The following PHF6 variants were observed in gnomAD, a reference collection of about 807,000 sequenced individuals.
The protein encoded by PHF6 is PHD finger protein 6.
In PHF6, 7 loss-of-function variants were observed where a neutral mutation model predicts 34.0. That is an observed-to-expected ratio of 0.21 (90% CI 0.12 to 0.39). The LOEUF (loss-of-function observed/expected upper bound fraction) is 0.39, where lower values mean the gene tolerates loss of function less well. PHF6 is among the 10% of genes least tolerant of loss of function. PHF6 has a pLI of 1.00. For synonymous variants in PHF6, 89 were observed against 88.4 expected (o/e 1.01, Z -0.04); for missense variants, 128 against 262.8 (o/e 0.49, Z 3.55).
At chrX:134,380,151 T>C (rs1318455323) in intron 3 of PHF6, among the ~76,000 whole-genome samples, 2 of 102,217 alleles carry the variant, frequency 2.0e-5, no homozygotes, top group Admixed American at 2.1e-4. Context: ...ATTTGGACCT[T>C]TTTTTTTTTT....
chrX:134,396,510 T>C (rs918313402), intron 5 of PHF6, among the ~76,000 whole-genome samples: 26 of 111,566 alleles, frequency 2.3e-4, no homozygotes, highest in African/African-American at 8.4e-4. Flanking sequence ...TTTCTTTTAC[T>C]GTAACTGGCA....
At chrX:134,416,935 G>A (rs2077474494) in intron 8 of PHF6, among the ~76,000 whole-genome samples, 1 of 112,061 alleles carries the variant, frequency 8.9e-6, no homozygotes. Flanking sequence ...TCTACATTTA[G>A]ATGTCAGACC....
chrX:134,383,297 C>T (rs1181293628), intron 3 of PHF6, among the ~76,000 whole-genome samples: 2 of 110,214 alleles, frequency 1.8e-5, no homozygotes, highest in East Asian at 5.7e-4. Flanking sequence ...AATTGTAATT[C>T]TACCCAAGTA....
chrX:134,401,590 T>G (rs2124231108), intron 5 of PHF6, among the ~76,000 whole-genome samples: 1 of 111,941 alleles, frequency 8.9e-6, no homozygotes. Context: ...TGTGGTAAAA[T>G]ATTATTTTTA....
rs181480562 is a variant in PHF6, at chrX:134,417,014, A to G, written c.835-155A>G. Among the ~76,000 whole-genome samples the G allele has an allele frequency of 2.6e-4, 29 of 112,542 alleles. No individual in the cohort carries two copies. In the Admixed American group the frequency reaches 2.6e-3, roughly 10 times the overall value. On this transcript the variant is annotated intron_variant, in intron 8 of 10. Transcript: ENST00000370803. ...TGTTAAATAAGGGAAACATCAGGGGATGACAATATTAGAGGGCTTATCAAA... is the reference window on the plus strand; with the variant it reads ...TGTTAAATAAGGGAAACATCAGGGGGTGACAATATTAGAGGGCTTATCAAA...
At chrX:134,400,862 G>A in intron 5 of PHF6, among the ~76,000 whole-genome samples, 1 of 111,483 alleles carries the variant, frequency 9.0e-6, no homozygotes, top group Non-Finnish European at 1.9e-5. Context: ...ATAAAAATTG[G>A]GATCTTGCCA....
chrX:134,375,883 A>G (rs771162746), intron 1 of PHF6, among the ~76,000 whole-genome samples: 2 of 111,606 alleles, frequency 1.8e-5, no homozygotes, highest in South Asian at 3.7e-4. Context: ...TTTCTCTGTT[A>G]TGTCCTTTTT....
At chrX:134,400,165 A>G (rs2077397274) in intron 5 of PHF6, among the ~76,000 whole-genome samples, 1 of 111,010 alleles carries the variant, frequency 9.0e-6, no homozygotes, top group Non-Finnish European at 1.9e-5. Context: ...TGCAGCCTCA[A>G]CCTCCCAGGC....
At chrX:134,423,108 A>G (rs60869299) in intron 9 of PHF6, among the ~76,000 whole-genome samples, 16,489 of 111,358 alleles carry the variant, frequency 0.15, 1,134 homozygotes, top group East Asian at 0.43. Context: ...TTGTCATTAT[A>G]TAATTATTAT....
chrX:134,413,560 G>T lies in PHF6; in HGVS notation c.488G>T (p.Arg163Leu). 2 of 1,210,495 alleles carry T rather than the reference G, an allele frequency of 1.7e-6. No individual in the cohort carries two copies. Among genetic ancestry groups the T allele is most frequent in the Non-Finnish European group, 2.2e-6 (2 of 894,990 alleles). Reference sequence around the variant, plus strand: ...TCACCTAAAAGTAAAAAGAAAAGTCGCAAAGGAAGGCCAAGAAAAACTAAT... The same window carrying T: ...TCACCTAAAAGTAAAAAGAAAAGTCTCAAAGGAAGGCCAAGAAAAACTAAT... ...PSSPKSKKKS[R>L]KGRPRKTNFK... Residue 163 changes from arginine (R) to leucine (L), a missense_variant, in exon 6 of 11, where the codon CGC (arginine) becomes CTC (leucine). Coordinates refer to ENST00000370803, the MANE Select transcript of PHF6 (RefSeq NM_001015877.2).
chrX:134,389,196 A>G (rs1331805488), intron 3 of PHF6, among the ~76,000 whole-genome samples: 4 of 111,657 alleles, frequency 3.6e-5, no homozygotes, highest in African/African-American at 9.7e-5. Context: ...AAATCAGGAT[A>G]CAAGCAGGAT....
At chrX:134,395,596 G>C (rs754300238) in intron 5 of PHF6, among the ~76,000 whole-genome samples, 2 of 112,120 alleles carry the variant, frequency 1.8e-5, no homozygotes, top group East Asian at 2.8e-4. Context: ...GTTCGCTTTT[G>C]AGAATATGTT....
chrX:134,396,182 C>T (rs1489513939), intron 5 of PHF6, among the ~76,000 whole-genome samples: 1 of 111,356 alleles, frequency 9.0e-6, no homozygotes, highest in Non-Finnish European at 1.9e-5. Context: ...GTATCCATCC[C>T]TATTTCAAAC....
chrX:134,393,278 A>C (rs2077362806), intron 3 of PHF6, among the ~76,000 whole-genome samples: 1 of 112,293 alleles, frequency 8.9e-6, no homozygotes. Flanking sequence ...AATAGACATT[A>C]ATAACATTCT....
At chrX:134,378,573 C>G (rs1401233267) in intron 3 of PHF6, among the ~76,000 whole-genome samples, 1 of 112,214 alleles carries the variant, frequency 8.9e-6, no homozygotes. Context: ...TATAACACAA[C>G]ATTTATGACT....
At chrX:134,392,503 T>C (rs1331146096) in intron 3 of PHF6, among the ~76,000 whole-genome samples, 1 of 112,236 alleles carries the variant, frequency 8.9e-6, no homozygotes, top group Non-Finnish European at 1.9e-5. Flanking sequence ...ATATGAATTA[T>C]CCATTAAATT....
chrX:134,382,479 G>A (rs1287493333), intron 3 of PHF6, among the ~76,000 whole-genome samples: 1 of 110,515 alleles, frequency 9.0e-6, no homozygotes, highest in Non-Finnish European at 1.9e-5. Context: ...TTGAAAGAAG[G>A]ATATTTGAAG....
intron 5 of PHF6, among the ~76,000 whole-genome samples, chrX:134,395,512 C>T: frequency 8.9e-6 from 1 of 112,057 alleles, no homozygotes; most frequent in Middle Eastern, 4.7e-3. Flanking sequence ...CTTTTACTAG[C>T]AATATAAAAT....
At chrX:134,407,022 A>G (rs1240202463) in intron 5 of PHF6, among the ~76,000 whole-genome samples, 2 of 112,161 alleles carry the variant, frequency 1.8e-5, no homozygotes, top group Non-Finnish European at 3.8e-5. Context: ...GTGTATTTCC[A>G]TGACAATGAA....
Sources: allele counts gnomAD v4.1 joint callset (sites outside exome capture counted in the v4.1 genomes callset), GRCh38; gene constraint gnomAD v4.1.1; transcripts MANE v1.5; gene names NCBI Gene and HGNC (gene_info 2026-07-23, HGNC 2026-07-21).